SLC17A3: variants seen among roughly 807,000 people sequenced by gnomAD.
SLC17A3 encodes the protein sodium-dependent phosphate transport protein 4.
SLC17A3 carries 61 observed loss-of-function variants against 60.3 expected under a neutral mutation model. The ratio of observed to expected loss-of-function variants is 1.01; its 90% CI spans 0.82 to 1.25. The LOEUF is 1.25. Among genes scored for constraint, SLC17A3 ranks in the 50% most tolerant of loss-of-function variants. The probability of loss-of-function intolerance (pLI) is 0.00; values close to 1 mark genes in which losing one functional copy is unlikely to be tolerated. For missense variants in SLC17A3, 624 were observed against 594.9 expected (o/e 1.05, Z -0.51); for synonymous variants, 192 against 208.9 (o/e 0.92, Z 0.70).
chr6:25,855,567 G>A lies in SLC17A3; in HGVS notation c.626-337C>T, dbSNP rs717550. On this transcript the variant is annotated intron_variant, in intron 5 of 12. Transcript: ENST00000397060. ...TGTGCCTTCCTAGCCATTCTCACTC[G>A]TCTCTGTAAAATTAACCATTAGTAA... Among the ~76,000 whole-genome samples, 13 of 152,134 alleles carry A rather than the reference G, an allele frequency of 8.5e-5. 1 individual carries two copies. Among genetic ancestry groups the A allele is most frequent in the South Asian group, 2.1e-4 (1 of 4,812 alleles).
intron 1 of SLC17A3, among the ~76,000 whole-genome samples, chr6:25,870,287 G>C (rs1268920113): frequency 6.6e-6 from 1 of 151,922 alleles, no homozygotes; most frequent in African/African-American, 2.4e-5. Context: ...TTCAAAGATT[G>C]CCTGGGAGAT....
chr6:25,848,075 T>C (rs1765207933), intron 11 of SLC17A3, among the ~76,000 whole-genome samples: 1 of 152,248 alleles, frequency 6.6e-6, no homozygotes, highest in Admixed American at 6.5e-5. Flanking sequence ...ATGCCATCAA[T>C]TCATTCCTTT....
intron 2 of SLC17A3, among the ~76,000 whole-genome samples, chr6:25,867,950 T>C (rs1765565181): frequency 6.6e-6 from 1 of 151,902 alleles, no homozygotes; most frequent in Non-Finnish European, 1.5e-5. Flanking sequence ...TTTTTTGAAG[T>C]ATCTATAATT....
intron 1 of SLC17A3, among the ~76,000 whole-genome samples, chr6:25,869,514 T>C (rs978444529): frequency 6.6e-6 from 1 of 151,798 alleles, no homozygotes; most frequent in Non-Finnish European, 1.5e-5. Flanking sequence ...AGGAGTGACA[T>C]AAGGACATAC....
At chr6:25,852,725 T>C (rs1765299321) in intron 6 of SLC17A3, among the ~76,000 whole-genome samples, 1 of 152,224 alleles carries the variant, frequency 6.6e-6, no homozygotes, top group Non-Finnish European at 1.5e-5. Flanking sequence ...ACTTATGCTA[T>C]AATGTAGCTA....
chr6:25,863,849 G>A (rs371265832), intron 2 of SLC17A3, among the ~76,000 whole-genome samples: 5 of 151,938 alleles, frequency 3.3e-5, no homozygotes, highest in East Asian at 1.9e-4. Context: ...ATCAATCATC[G>A]AACAAAACAC....
At chr6:25,855,649 T>C (rs1476381520) in intron 5 of SLC17A3, among the ~76,000 whole-genome samples, 1 of 152,110 alleles carries the variant, frequency 6.6e-6, no homozygotes. Context: ...ACATAAATAA[T>C]ATATATCTAC....
chr6:25,845,657 G>A, intron 11 of SLC17A3, 141 bp from the exon 12 acceptor site: 1 of 928,524 alleles, frequency 1.1e-6, no homozygotes, highest in South Asian at 1.4e-5. Context: ...ATAGTTAAAT[G>A]CAAAGGATTT....
chr6:25,849,937 G>C lies in SLC17A3; in HGVS notation c.1139C>G (p.Ser380Ter), dbSNP rs1298373771. Residue 380 changes from serine to a stop codon, truncating the protein, a stop_gained, in exon 10 of 13, where the codon TCA becomes TGA. Coordinates refer to ENST00000397060, the MANE Select transcript of SLC17A3 (RefSeq NM_001098486.2). LOFTEE classifies it high-confidence loss of function. ...IATILGSLPSSALIVSLPYLN... is the reference protein window; with the variant it reads ...IATILGSLPS The stretch of plus-strand genomic sequence containing the variant: ...GTAAGGCAGAGACACAATGAGTGCT[G>C]AAGAGGGGAGACTTCCTAGGAAATG... The C allele has an allele frequency of 1.2e-6, 2 of 1,613,988 alleles. No homozygotes were observed. The highest frequency in any genetic ancestry group is 2.7e-5 in the African/African-American group (2 of 74,946).
chr6:25,859,519 A>T (rs1264256272), intron 5 of SLC17A3, among the ~76,000 whole-genome samples: 1 of 152,224 alleles, frequency 6.6e-6, no homozygotes, highest in South Asian at 2.1e-4. Context: ...GGCCTAATTC[A>T]GTACCCACTG....
chr6:25,867,395 G>T (rs1189101235), intron 2 of SLC17A3, among the ~76,000 whole-genome samples: 2 of 151,682 alleles, frequency 1.3e-5, no homozygotes, highest in African/African-American at 4.8e-5. Flanking sequence ...TTTTTGTTTG[G>T]ATTAAAAACT....
At chr6:25,847,894 C>A (rs965071523) in intron 11 of SLC17A3, among the ~76,000 whole-genome samples, 1 of 152,052 alleles carries the variant, frequency 6.6e-6, no homozygotes. Context: ...ACCCTTACCC[C>A]CTTCCCACAC....
chr6:25,853,724 A>G (rs938294073), intron 6 of SLC17A3, among the ~76,000 whole-genome samples: 1 of 151,994 alleles, frequency 6.6e-6, no homozygotes, highest in South Asian at 2.1e-4. Flanking sequence ...GGCCTTCTGC[A>G]TGTATTTTTG....
Position 25,850,323 on chromosome 6 carries a change from G to C in SLC17A3, c.993+136C>G. The C allele has an allele frequency of 7.7e-6, 10 of 1,304,298 alleles. No individual in the cohort carries two copies. The South Asian group carries it at 1.2e-4, about 16-fold the overall frequency. The allele number at this position is 1,304,298 out of a possible 1,614,324, so 80.8% of individuals were successfully genotyped here. On this transcript the variant is annotated intron_variant, in intron 8 of 12. Transcript: ENST00000397060. Reference sequence around the variant, plus strand: ...ACCTCTTAAATCATACCCCAGAAAAGCTACTGGCATGAGTATTAAATATTA... The same window carrying C: ...ACCTCTTAAATCATACCCCAGAAAACCTACTGGCATGAGTATTAAATATTA...
At position 25,862,371 on chromosome 6, in the gene SLC17A3, T is replaced by C. The variant is rs1245697016; in HGVS notation, c.165A>G (p.Gln55=). 1 of 1,613,714 alleles carries C rather than the reference T, an allele frequency of 6.2e-7. No individual in the cohort carries two copies. Among genetic ancestry groups the C allele is most frequent in the African/African-American group, 1.3e-5 (1 of 74,888 alleles). The change falls in exon 3 of 13, where the codon CAA becomes CAG. Residue 55 remains glutamine, a synonymous_variant. Coordinates refer to ENST00000397060, the MANE Select transcript of SLC17A3 (RefSeq NM_001098486.2). ...LHFCNFTTIA[Q]NVIMNITMVA... ...CCATGGTGATGTTCATGATGACATT[T>C]TGTGCTATCGTTGTGAAATTGCAGA...
chr6:25,845,332 T>C (rs757400574), intron 12 of SLC17A3, 34 bp from the exon 13 acceptor site: 1 of 1,609,976 alleles, frequency 6.2e-7, no homozygotes. Flanking sequence ...ATTTAAAACT[T>C]CAGCTGCTTC....
At chr6:25,868,202 G>T (rs1765569706) in intron 2 of SLC17A3, 95 bp downstream of exon 2, 9 of 910,074 alleles carry the variant, frequency 9.9e-6, no homozygotes, top group Non-Finnish European at 1.1e-5. Context: ...AAGAATTAAA[G>T]AACTTAAAAA....
At position 25,855,244 on chromosome 6, in the gene SLC17A3, G is replaced by C. The variant is rs768060584; in HGVS notation, c.626-14C>G. Reference sequence around the variant, plus strand: ...CCAGTAACATTCCTGCAAAGAGAGAGAAAGTAAGCTGTGGGACTCTAGACT... The same window carrying C: ...CCAGTAACATTCCTGCAAAGAGAGACAAAGTAAGCTGTGGGACTCTAGACT... On this transcript the variant is annotated splice_polypyrimidine_tract_variant and intron_variant, in intron 5 of 12. Coordinates refer to ENST00000397060, the MANE Select transcript of SLC17A3 (RefSeq NM_001098486.2). The C allele has an allele frequency of 1.3e-6, 2 of 1,595,884 alleles. No individual in the cohort carries two copies. Among genetic ancestry groups the C allele is most frequent in the Admixed American group, 3.3e-5 (2 of 59,810 alleles).
At chr6:25,849,541 T>A in intron 10 of SLC17A3, 77 bp from the exon 11 acceptor site, 3 of 877,980 alleles carry the variant, frequency 3.4e-6, no homozygotes, top group Admixed American at 3.5e-5. Context: ...CATGTATGAA[T>A]CTATAACTCA....
Sources: gnomAD v4.1 joint callset for allele counts (sites outside exome capture counted in the v4.1 genomes callset) on GRCh38, gnomAD v4.1.1 for gene constraint, MANE v1.5 for transcripts, NCBI Gene and HGNC (gene_info 2026-07-23, HGNC 2026-07-21) for gene names.